KITLG: variants seen among roughly 807,000 people sequenced by gnomAD.
KITLG encodes KIT ligand.
A neutral mutation model predicts 34.1 loss-of-function variants in KITLG; 13 were observed. The observed-to-expected ratio is 0.38, with a 90% CI of 0.25 to 0.61. KITLG has a LOEUF of 0.61. Among genes scored for constraint, KITLG ranks in the 20% least tolerant of loss-of-function variants. KITLG has a pLI of 0.60. For missense variants in KITLG, 292 were observed against 318.9 expected, an observed-to-expected ratio of 0.92 and a Z score of 0.64; for synonymous variants, 110 against 104.0, an observed-to-expected ratio of 1.06 and a Z score of -0.35.
intron 3 of KITLG, among the ~76,000 whole-genome samples, chr12:88,530,546 C>T (rs1248840900): frequency 6.6e-6 from 1 of 152,132 alleles, no homozygotes; most frequent in Non-Finnish European, 1.5e-5. Context: ...AGATCATTGC[C>T]TAATTGGTGT....
chr12:88,519,256 G>C (rs986697047), intron 3 of KITLG, among the ~76,000 whole-genome samples: 1 of 152,144 alleles, frequency 6.6e-6, no homozygotes, highest in Non-Finnish European at 1.5e-5. Flanking sequence ...GTGACAGGAG[G>C]AGGAGGGACT....
chr12:88,560,967 C>CAAAAAAAAAAAAAA (rs34851499), intron 1 of KITLG, among the ~76,000 whole-genome samples: 1 of 58,082 alleles, frequency 1.7e-5, no homozygotes, highest in Non-Finnish European at 2.7e-5. Flanking sequence ...GACTCTGTCT[C>CAAAAAAAAAAAAAA]AAAAAAAAAA....
At chr12:88,568,240 G>A (rs1871512639) in intron 1 of KITLG, among the ~76,000 whole-genome samples, 1 of 151,852 alleles carries the variant, frequency 6.6e-6, no homozygotes. Context: ...ACAATTTATT[G>A]AGCATCACTT....
chr12:88,580,065 C>T, intron 1 of KITLG, 199 bp downstream of exon 1: 1 of 632,432 alleles, frequency 1.6e-6, no homozygotes, highest in Non-Finnish European at 2.8e-6. Context: ...CTCAGCACTC[C>T]CACTCCTTTT....
rs748222990 is a variant in KITLG at position 88,515,449 on chromosome 12, T to C, written c.604+85A>G. Reference sequence around the variant, plus strand: ...AGAACAGTATCAATAATAATAAATGTAGAAGTTTCCTTGAAAGCCCATGCA... The same window carrying C: ...AGAACAGTATCAATAATAATAAATGCAGAAGTTTCCTTGAAAGCCCATGCA... On this transcript the variant is annotated intron_variant, in intron 6 of 9. Coordinates refer to ENST00000644744, the MANE Select transcript of KITLG (RefSeq NM_000899.5). 164 of 809,408 alleles carry C rather than the reference T, an allele frequency of 2.0e-4. 1 individual carries two copies. The highest frequency in any genetic ancestry group is 1.6e-3 in the Middle Eastern group (7 of 4,456). The allele number at this position is 809,408 out of a possible 1,614,324, so 50.1% of individuals were successfully genotyped here.
chr12:88,509,662 C>A (rs2120816893), intron 6 of KITLG, among the ~76,000 whole-genome samples: 1 of 152,242 alleles, frequency 6.6e-6, no homozygotes, highest in African/African-American at 2.4e-5. Context: ...GGGAAGCGCC[C>A]ATAGGTTACT....
At chr12:88,576,193 A>G (rs1871818377) in intron 1 of KITLG, among the ~76,000 whole-genome samples, 1 of 152,154 alleles carries the variant, frequency 6.6e-6, no homozygotes, top group Non-Finnish European at 1.5e-5. Context: ...TATCTCATTC[A>G]TTTGTACTTT....
intron 2 of KITLG, among the ~76,000 whole-genome samples, chr12:88,540,578 T>A (rs1396978122): frequency 1.3e-5 from 2 of 152,030 alleles, no homozygotes; most frequent in East Asian, 3.9e-4. Flanking sequence ...GGTGGGAGGA[T>A]CTCTTGGGGC....
chr12:88,571,696 C>T (rs1443711665), intron 1 of KITLG, among the ~76,000 whole-genome samples: 1 of 152,162 alleles, frequency 6.6e-6, no homozygotes, highest in Non-Finnish European at 1.5e-5. Context: ...GCAGGAGCCA[C>T]TCTTTGAGGC....
intron 3 of KITLG, among the ~76,000 whole-genome samples, chr12:88,523,952 C>A (rs1566023193): frequency 1.3e-5 from 2 of 152,098 alleles, no homozygotes; most frequent in South Asian, 4.1e-4. Context: ...GTGTTATTTC[C>A]CAGGGCAGAC....
At chr12:88,563,119 C>T (rs1270640338) in intron 1 of KITLG, among the ~76,000 whole-genome samples, 1 of 152,190 alleles carries the variant, frequency 6.6e-6, no homozygotes, top group African/African-American at 2.4e-5. Flanking sequence ...GAGTTGCAAT[C>T]CATTAACATT....
At chr12:88,521,415 T>C (rs1419983803) in intron 3 of KITLG, among the ~76,000 whole-genome samples, 5 of 152,158 alleles carry the variant, frequency 3.3e-5, no homozygotes, top group Non-Finnish European at 2.9e-5. Context: ...TTTCAATTCC[T>C]CCACGATTAT....
At chr12:88,549,608 G>A (rs548781478) in intron 1 of KITLG, among the ~76,000 whole-genome samples, 2 of 152,158 alleles carry the variant, frequency 1.3e-5, no homozygotes, top group Non-Finnish European at 2.9e-5. Flanking sequence ...GAAGGTTTGG[G>A]AGGCAGATCA....
rs541010632 is a variant in KITLG, at chr12:88,501,830, C to T, written c.*37+3329G>A. Among the ~76,000 whole-genome samples, 17 of 151,970 alleles carry T rather than the reference C, an allele frequency of 1.1e-4. No individual in the cohort carries two copies. The South Asian group carries it at 3.1e-3, about 28-fold the overall frequency. On this transcript the variant is annotated intron_variant, in intron 9 of 9. Transcript: ENST00000644744. ...AATTCTGAGATATTCATTCATCTTTCCATTAATTTATTCAACAAATAGTTA... is the reference window on the plus strand; with the variant it reads ...AATTCTGAGATATTCATTCATCTTTTCATTAATTTATTCAACAAATAGTTA...
intron 1 of KITLG, among the ~76,000 whole-genome samples, chr12:88,571,235 CTAT>C (rs1871640323): frequency 6.6e-6 from 1 of 152,144 alleles, no homozygotes; most frequent in Admixed American, 6.6e-5. Context: ...AAACAATGCT[CTAT>C]TAAGTAAGTG....
chr12:88,541,825 A>T (rs973733148), intron 2 of KITLG, among the ~76,000 whole-genome samples: 16 of 152,156 alleles, frequency 1.1e-4, no homozygotes, highest in African/African-American at 3.6e-4. Context: ...TTAAAAAAAA[A>T]ATTTGACATT....
intron 2 of KITLG, among the ~76,000 whole-genome samples, chr12:88,538,100 T>C (rs1420493163): frequency 1.3e-5 from 2 of 152,120 alleles, no homozygotes; most frequent in Non-Finnish European, 2.9e-5. Context: ...TAGTTAGGCA[T>C]GGTATGTGAA....
intron 9 of KITLG, among the ~76,000 whole-genome samples, chr12:88,501,910 C>T (rs1868874643): frequency 6.6e-6 from 1 of 151,946 alleles, no homozygotes; most frequent in East Asian, 1.9e-4. Flanking sequence ...GGCTCCAAAA[C>T]TAAATTAAGA....
rs1230212012 is a variant in KITLG at position 88,505,233 on chromosome 12, A to C, written c.785T>G (p.Met262Arg). ...QINEEDNEIS[M>R]LQEKEREFQE... ...AAACTCTCTCTCTTTCTCTTGCAAC[A>C]TACTGAAAAACAATAAGAAAAAATG... The change falls in exon 9 of 10, where the codon ATG becomes AGG. Residue 262 changes from methionine (M) to arginine (R), a missense_variant and splice_region_variant. This residue lies in a region of KITLG where 140 missense variants were observed against 111.0 expected (regional missense o/e 1.26). Transcript: ENST00000644744. The C allele has an allele frequency of 1.9e-6, 3 of 1,608,760 alleles. No individual in the cohort carries two copies. The highest frequency in any genetic ancestry group is 2.2e-5 in the East Asian group (1 of 44,770).
Sources: gnomAD v4.1 joint callset for allele counts (sites outside exome capture counted in the v4.1 genomes callset) on GRCh38, gnomAD v4.1.1 for gene constraint, gnomAD v4.1.1 regional missense constraint, MANE v1.5 for transcripts, NCBI Gene and HGNC (gene_info 2026-07-23, HGNC 2026-07-21) for gene names.